The following PLCB4 variants were observed in gnomAD, a reference collection of about 807,000 sequenced individuals.
PLCB4 encodes the protein 1-phosphatidylinositol 4,5-bisphosphate phosphodiesterase beta-4.
A neutral mutation model predicts 178.8 loss-of-function variants in PLCB4; 77 were observed. The ratio of observed to expected loss-of-function variants is 0.43; its 90% CI spans 0.36 to 0.52. PLCB4 has a LOEUF of 0.52. Among genes scored for constraint, PLCB4 ranks in the 20% least tolerant of loss-of-function variants. PLCB4 has a pLI of 0.00. For synonymous variants in PLCB4, 496 were observed against 490.8 expected (o/e 1.01, Z -0.14); for missense variants, 1,024 against 1,453.4 (o/e 0.70, Z 4.80).
intron 2 of PLCB4, among the ~76,000 whole-genome samples, chr20:9,122,675 C>T (rs1051506026): frequency 4.6e-5 from 7 of 152,218 alleles, no homozygotes; most frequent in East Asian, 1.9e-4. Context: ...TTAAAAATCA[C>T]GCGCATGTAA....
intron 1 of PLCB4, among the ~76,000 whole-genome samples, chr20:9,077,280 TGTGAGA>T (rs1434912138): frequency 1.3e-5 from 2 of 152,194 alleles, no homozygotes; most frequent in Admixed American, 1.3e-4. Flanking sequence ...TGTGCACATG[TGTGAGA>T]ATTTTTTTTG....
At chr20:9,317,457 T>G (rs1213744964) in intron 4 of PLCB4, among the ~76,000 whole-genome samples, 1 of 152,214 alleles carries the variant, frequency 6.6e-6, no homozygotes, top group Non-Finnish European at 1.5e-5. Flanking sequence ...TTGGGCTTGC[T>G]TTTATTTCTT....
intron 2 of PLCB4, among the ~76,000 whole-genome samples, chr20:9,155,353 A>G (rs951440943): frequency 6.6e-6 from 1 of 152,040 alleles, no homozygotes; most frequent in East Asian, 1.9e-4. Flanking sequence ...TCATTAGTTG[A>G]TGGGCACTTA....
At chr20:9,310,580 C>T (rs528466281) in intron 4 of PLCB4, among the ~76,000 whole-genome samples, 8 of 151,928 alleles carry the variant, frequency 5.3e-5, no homozygotes, top group Non-Finnish European at 8.8e-5. Flanking sequence ...GGTGTGGTGG[C>T]ACATGCCTAT....
At position 9,396,982 on chromosome 20, in the gene PLCB4, A is replaced by G. The variant is rs149384472; in HGVS notation, c.1510+1364A>G. ...GGTAATTTTTTAAAATAAGACAACA[A>G]TGAAGTTTGCTGCATCAATTGACCC... On this transcript the variant is annotated intron_variant, in intron 19 of 39. Transcript: ENST00000378473. 2.0e-5 allele frequency among the ~76,000 whole-genome samples: 3 copies of G among 152,344 alleles called. No homozygotes were observed. The East Asian group carries it at 5.8e-4, about 29-fold the overall frequency.
intron 35 of PLCB4, among the ~76,000 whole-genome samples, chr20:9,463,139 A>G (rs2043514616): frequency 1.3e-5 from 2 of 152,208 alleles, no homozygotes; most frequent in Non-Finnish European, 2.9e-5. Flanking sequence ...AGGATTTTCA[A>G]CCCAGAATTT....
chr20:9,351,256 T>C (rs1388142498), intron 7 of PLCB4, among the ~76,000 whole-genome samples: 4 of 152,146 alleles, frequency 2.6e-5, no homozygotes, highest in Non-Finnish European at 5.9e-5. Flanking sequence ...TACATATGTA[T>C]ACATGTGCCA....
chr20:9,359,645 G>A (rs1299166999), intron 7 of PLCB4, among the ~76,000 whole-genome samples: 1 of 152,184 alleles, frequency 6.6e-6, no homozygotes, highest in East Asian at 1.9e-4. Flanking sequence ...AAAGTGCCCC[G>A]TGTGGCAGAA....
At chr20:9,337,238 T>C in intron 5 of PLCB4, 32 bp downstream of exon 5, 1 of 1,505,230 alleles carries the variant, frequency 6.6e-7, no homozygotes, top group Non-Finnish European at 9.3e-7. Context: ...TTGTTCTTTC[T>C]GCTTTGTGGT....
At chr20:9,110,973 T>C (rs187759681) in intron 2 of PLCB4, among the ~76,000 whole-genome samples, 64 of 152,320 alleles carry the variant, frequency 4.2e-4, no homozygotes, top group African/African-American at 1.3e-3. Flanking sequence ...CTTGTATTCA[T>C]TAAGCAGGTA....
At chr20:9,191,345 ATTTTTT>A (rs71184136) in intron 2 of PLCB4, among the ~76,000 whole-genome samples, 1 of 58,842 alleles carries the variant, frequency 1.7e-5, no homozygotes, top group Non-Finnish European at 2.9e-5. Flanking sequence ...CTAGATAGGC[ATTTTTT>A]TTTTTTTTTT....
At chr20:9,426,139 A>G (rs970970228) in intron 28 of PLCB4, among the ~76,000 whole-genome samples, 13 of 151,730 alleles carry the variant, frequency 8.6e-5, no homozygotes, top group Non-Finnish European at 5.9e-5. Context: ...TTCCCCTAGG[A>G]AAAAAAAGAA....
intron 32 of PLCB4, among the ~76,000 whole-genome samples, chr20:9,447,123 G>T (rs2042459976): frequency 6.6e-6 from 1 of 152,048 alleles, no homozygotes; most frequent in South Asian, 2.1e-4. Flanking sequence ...CATATTCTTA[G>T]GTATTCTCAT....
chr20:9,424,339 A>G (rs932265896), intron 28 of PLCB4, among the ~76,000 whole-genome samples: 4 of 152,210 alleles, frequency 2.6e-5, no homozygotes, highest in African/African-American at 7.2e-5. Context: ...GAACTCAGCT[A>G]TCAACATGCC....
At chr20:9,459,525 A>G in intron 34 of PLCB4, 110 bp from the exon 35 acceptor site, 1 of 647,220 alleles carries the variant, frequency 1.5e-6, no homozygotes, top group Non-Finnish European at 2.6e-6. Flanking sequence ...CTCATGATTC[A>G]CCAATTAAGT....
intron 3 of PLCB4, among the ~76,000 whole-genome samples, chr20:9,239,674 T>A (rs1455923572): frequency 6.6e-6 from 1 of 152,114 alleles, no homozygotes; most frequent in Non-Finnish European, 1.5e-5. Flanking sequence ...AAGGGGAGTT[T>A]ATTAAAGAGT....
At chr20:9,339,776 AC>A (rs1165055888) in intron 7 of PLCB4, among the ~76,000 whole-genome samples, 2 of 151,724 alleles carry the variant, frequency 1.3e-5, no homozygotes, top group Non-Finnish European at 2.9e-5. Context: ...AGAAATCCAA[AC>A]CCCCCCTCCC....
At position 9,459,667 on chromosome 20, in the gene PLCB4, A is replaced by T. The variant is rs1252052034; in HGVS notation, c.3105A>T (p.Glu1035Asp). ...VKEIVAQHTK[E>D]WSEMINTHSA... ...AGATTGTAGCACAGCACACAAAGGAATGGTCAGAAATGATCAATACCCACA... is the reference window on the plus strand; with the variant it reads ...AGATTGTAGCACAGCACACAAAGGATTGGTCAGAAATGATCAATACCCACA... The change falls in exon 35 of 40, where the codon GAA (glutamate) becomes GAT (aspartate). Residue 1035 changes from glutamate to aspartate, a missense_variant. Physicochemically the swap from Glu to Asp is conservative, Grantham distance 45 (BLOSUM62 2). Transcript: ENST00000378473. 3.7e-6 allele frequency: 6 copies of T among 1,610,892 alleles called. No homozygotes were observed. Among genetic ancestry groups the T allele is most frequent in the Non-Finnish European group, 5.1e-6 (6 of 1,177,288 alleles).
intron 33 of PLCB4, among the ~76,000 whole-genome samples, chr20:9,454,479 T>C (rs1008101747): frequency 6.6e-5 from 10 of 152,228 alleles, no homozygotes; most frequent in African/African-American, 2.2e-4. Context: ...TCCTTCAATC[T>C]CTGCTGATGT....
Sources: allele counts gnomAD v4.1 joint callset (sites outside exome capture counted in the v4.1 genomes callset), GRCh38; gene constraint gnomAD v4.1.1; transcripts MANE v1.5; gene names NCBI Gene and HGNC (gene_info 2026-07-23, HGNC 2026-07-21).